The following DPY19L1 variants were observed in gnomAD, a reference collection of about 807,000 sequenced individuals.
DPY19L1 encodes the protein dpy-19 like C-mannosyltransferase 1, also known as protein C-mannosyl-transferase DPY19L1.
In DPY19L1, 35 loss-of-function variants were observed where a neutral mutation model predicts 96.9. The ratio of observed to expected loss-of-function variants is 0.36; its 90% CI spans 0.28 to 0.48. The LOEUF (loss-of-function observed/expected upper bound fraction) is 0.48, where lower values mean the gene tolerates loss of function less well. DPY19L1 is among the 20% of genes least tolerant of loss of function. The probability of loss-of-function intolerance (pLI) is 0.99; values close to 1 mark genes in which losing one functional copy is unlikely to be tolerated. For missense variants in DPY19L1, 521 were observed against 777.9 expected (o/e 0.67, Z 3.93); for synonymous variants, 205 against 252.6 (o/e 0.81, Z 1.79).
intron 3 of DPY19L1, 36 bp downstream of exon 3, chr7:35,017,846 T>A: frequency 6.9e-7 from 1 of 1,452,988 alleles, no homozygotes; most frequent in African/African-American, 1.4e-5. Context: ...TTTAAATTCC[T>A]AAAGTACTAT....
chr7:35,001,251 G>GA (rs1453835925), intron 6 of DPY19L1, among the ~76,000 whole-genome samples: 1 of 152,198 alleles, frequency 6.6e-6, no homozygotes, highest in Non-Finnish European at 1.5e-5. Flanking sequence ...GAGTCCATTG[G>GA]AAAAATACTT....
chr7:35,004,699 A>G (rs1785510363), intron 6 of DPY19L1, among the ~76,000 whole-genome samples: 1 of 152,218 alleles, frequency 6.6e-6, no homozygotes, highest in Non-Finnish European at 1.5e-5. Context: ...TAATACACTC[A>G]TATGATAGCA....
chr7:34,979,001 G>A (rs1356520413), intron 7 of DPY19L1, among the ~76,000 whole-genome samples: 1 of 152,064 alleles, frequency 6.6e-6, no homozygotes, highest in African/African-American at 2.4e-5. Context: ...GATTTAATGT[G>A]TCAGTGATAT....
Position 35,011,534 on chromosome 7 carries a change from T to C in DPY19L1, c.550-84A>G, listed in dbSNP as rs569730662. On this transcript the variant is annotated intron_variant, in intron 4 of 21. Coordinates refer to ENST00000638088, the MANE Select transcript of DPY19L1 (RefSeq NM_001366673.1). ...GAATACTTTTGAGATACTTTGACAA[T>C]TACCATATTTTCCCTTTCCATACCA... 1.8e-5 allele frequency: 24 copies of C among 1,316,810 alleles called. No individual in the cohort carries two copies. The African/African-American group carries it at 3.0e-4, about 16-fold the overall frequency. 81.6% of individuals were successfully genotyped at this position (1,316,810 alleles called of 1,614,324 possible). A position where few individuals can be genotyped will look rare whatever the true frequency, so the allele number is the denominator to read the frequency against.
intron 15 of DPY19L1, 88 bp downstream of exon 15, chr7:34,947,542 A>C: frequency 9.4e-7 from 1 of 1,064,412 alleles, no homozygotes; most frequent in African/African-American, 1.6e-5. Flanking sequence ...ACGTTGTATC[A>C]GATAAATGTG....
At chr7:34,959,803 T>C (rs796323794) in intron 10 of DPY19L1, among the ~76,000 whole-genome samples, 13 of 150,972 alleles carry the variant, frequency 8.6e-5, no homozygotes, top group African/African-American at 3.2e-4. Flanking sequence ...CCATGACACG[T>C]GTATACCTAT....
At position 35,010,551 on chromosome 7, in the gene DPY19L1, A is replaced by T; in HGVS notation, c.681T>A (p.Asp227Glu). Reference protein sequence around the residue: ...SPIESCEGLGDPACFYVAVIF... With the variant: ...SPIESCEGLGEPACFYVAVIF... ...TTACAGCAACATAAAAGCAAGCAGG[A>T]TCTCCCAATCCTTTAAAAATAAACA... Residue 227 changes from aspartate (D) to glutamate (E), a missense_variant, in exon 6 of 22, where the codon GAT (aspartate) becomes GAA (glutamate). Coordinates refer to ENST00000638088, the MANE Select transcript of DPY19L1 (RefSeq NM_001366673.1). The T allele has an allele frequency of 6.2e-7, 1 of 1,607,578 alleles. No homozygotes were observed. The highest frequency in any genetic ancestry group is 1.1e-5 in the South Asian group (1 of 90,306).
intron 6 of DPY19L1, among the ~76,000 whole-genome samples, chr7:34,992,954 C>A (rs1351350713): frequency 6.6e-6 from 1 of 152,162 alleles, no homozygotes; most frequent in Admixed American, 6.6e-5. Flanking sequence ...GAAACCTAAA[C>A]TTCCTTACTT....
At chr7:34,964,542 TAGCCC>T (rs1784570789) in intron 10 of DPY19L1, among the ~76,000 whole-genome samples, 1 of 152,208 alleles carries the variant, frequency 6.6e-6, no homozygotes, top group Non-Finnish European at 1.5e-5. Context: ...AAATTGTGTT[TAGCCC>T]AGAAAAGCAA....
chr7:34,982,429 A>G (rs1300268897), intron 7 of DPY19L1, among the ~76,000 whole-genome samples: 3 of 152,262 alleles, frequency 2.0e-5, no homozygotes, highest in Non-Finnish European at 4.4e-5. Context: ...ATGTGTCAAA[A>G]TATTAAAACT....
rs1182761251 is a variant in DPY19L1 at position 34,928,942 on chromosome 7, T to C, written c.*2631A>G. 8 of 152,202 alleles carry C rather than the reference T, an allele frequency of 5.3e-5. No homozygotes were observed. Among genetic ancestry groups the C allele is most frequent in the African/African-American group, 1.4e-4 (6 of 41,448 alleles). The allele number at this position is 152,202 out of a possible 1,614,324, so 9.4% of individuals were successfully genotyped here. ...GTACATGTAAACAACTGGCATAAAA[T>C]TCATAAAAATACAATACTCCTATGC... On this transcript the variant is annotated 3_prime_UTR_variant, in exon 22 of 22. Transcript: ENST00000638088.
chr7:35,004,163 G>A (rs1275814429), intron 6 of DPY19L1, among the ~76,000 whole-genome samples: 1 of 152,136 alleles, frequency 6.6e-6, no homozygotes, highest in African/African-American at 2.4e-5. Context: ...TCTCACTTTT[G>A]GCTTGTCGCT....
At position 35,011,580 on chromosome 7, in the gene DPY19L1, T is replaced by A. The variant is rs894863273; in HGVS notation, c.550-130A>T. 5 of 880,000 alleles carry A rather than the reference T, an allele frequency of 5.7e-6. No homozygotes were observed. In the Admixed American group the frequency reaches 9.1e-5, roughly 16 times the overall value. 54.5% of individuals were successfully genotyped at this position (880,000 alleles called of 1,614,324 possible). ...TACCATCCACTTGGCTCCCTTTAAA[T>A]GTAGTAAAACAAGGCTCAGAATCTC... On this transcript the variant is annotated intron_variant, in intron 4 of 21. Coordinates refer to ENST00000638088, the MANE Select transcript of DPY19L1 (RefSeq NM_001366673.1).
intron 20 of DPY19L1, among the ~76,000 whole-genome samples, chr7:34,938,408 T>C (rs753999746): frequency 6.6e-6 from 1 of 152,242 alleles, no homozygotes; most frequent in Non-Finnish European, 1.5e-5. Context: ...CACTTCGCTA[T>C]CACATGTAAG....
chr7:35,011,702 A>T (rs767664202), intron 4 of DPY19L1, among the ~76,000 whole-genome samples: 10 of 152,216 alleles, frequency 6.6e-5, no homozygotes, highest in Non-Finnish European at 1.3e-4. Context: ...GTTTTTCAAA[A>T]GCTCTACAAC....
At chr7:34,977,070 T>G (rs1434486309) in intron 7 of DPY19L1, among the ~76,000 whole-genome samples, 2 of 152,196 alleles carry the variant, frequency 1.3e-5, no homozygotes, top group Non-Finnish European at 2.9e-5. Flanking sequence ...ATTAGCCACT[T>G]ATTTTTAAAT....
intron 6 of DPY19L1, among the ~76,000 whole-genome samples, chr7:35,001,461 G>C (rs1418581547): frequency 3.9e-5 from 6 of 152,068 alleles, no homozygotes; most frequent in Non-Finnish European, 8.8e-5. Context: ...TCACATAGAA[G>C]ACAGAGTCTC....
At position 34,966,764 on chromosome 7, in the gene DPY19L1, T is replaced by A. The variant is rs942215882; in HGVS notation, c.1092+130A>T. 7 of 905,600 alleles carry A rather than the reference T, an allele frequency of 7.7e-6. No homozygotes were observed. The East Asian group carries it at 2.5e-4, about 33-fold the overall frequency. The allele number at this position is 905,600 out of a possible 1,614,324, so 56.1% of individuals were successfully genotyped here. The stretch of plus-strand genomic sequence containing the variant: ...ATCAAAATGAGGTCTGTTGATTATA[T>A]CACAATGTTTGAACAACATTTGTTT... On this transcript the variant is annotated intron_variant, in intron 10 of 21. Transcript: ENST00000638088.
At chr7:34,953,720 G>A in intron 13 of DPY19L1, among the ~76,000 whole-genome samples, 1 of 82,990 alleles carries the variant, frequency 1.2e-5, no homozygotes, top group Non-Finnish European at 2.3e-5. Flanking sequence ...ATGAATGAAT[G>A]AATGAATAAA....
Sources: allele counts gnomAD v4.1 joint callset (sites outside exome capture counted in the v4.1 genomes callset), GRCh38; gene constraint gnomAD v4.1.1; transcripts MANE v1.5; gene names NCBI Gene and HGNC (gene_info 2026-07-23, HGNC 2026-07-21).